The following GKN2 variants were observed in gnomAD, a reference collection of about 807,000 sequenced individuals.
GKN2 encodes the protein gastrokine 2, also known as gastrokine-2.
In GKN2, 17 loss-of-function variants were observed where a neutral mutation model predicts 22.7. That is an observed-to-expected ratio of 0.75 (90% CI 0.51 to 1.13). The LOEUF is 1.13. Ranked by LOEUF, GKN2 falls within the 50% of genes most tolerant of loss-of-function variation. The probability of loss-of-function intolerance (pLI) is 0.00; values close to 1 mark genes in which losing one functional copy is unlikely to be tolerated. For synonymous variants in GKN2, 82 were observed against 79.6 expected (o/e 1.03, Z -0.16); for missense variants, 248 against 221.4 (o/e 1.12, Z -0.76).
chr2:68,945,305 G>T lies in GKN2; in HGVS notation c.*63C>A. 4 of 1,198,994 alleles carry T rather than the reference G, an allele frequency of 3.3e-6. No homozygotes were observed. The highest frequency in any genetic ancestry group is 2.9e-5 in the South Asian group (2 of 68,078). The allele number at this position is 1,198,994 out of a possible 1,614,324, so 74.3% of individuals were successfully genotyped here. A position where few individuals can be genotyped will look rare whatever the true frequency, so the allele number is the denominator to read the frequency against. On this transcript the variant is annotated 3_prime_UTR_variant, in exon 6 of 6. Coordinates refer to ENST00000328895, the MANE Select transcript of GKN2 (RefSeq NM_182536.3). ...GGGGCATTGGGAAAGAATTTAATTTGACTTTTGAGTGTAAACCAAGGATGT... is the reference window on the plus strand; with the variant it reads ...GGGGCATTGGGAAAGAATTTAATTTTACTTTTGAGTGTAAACCAAGGATGT...
In GKN2 at chr2:68,947,264, C is replaced by A. The variant is rs2103889578; in HGVS notation, c.205-7G>T. The A allele has an allele frequency of 6.3e-7, 1 of 1,575,714 alleles. No individual in the cohort carries two copies. Among genetic ancestry groups the A allele is most frequent in the Non-Finnish European group, 8.7e-7 (1 of 1,144,964 alleles). ...CCCTGGATGCAATGTAGCCCTGAGGCAGCAAGAGTACAGTTACTGTTCCTC... is the reference window on the plus strand; with the variant it reads ...CCCTGGATGCAATGTAGCCCTGAGGAAGCAAGAGTACAGTTACTGTTCCTC... On this transcript the variant is annotated splice_polypyrimidine_tract_variant and splice_region_variant and intron_variant, in intron 3 of 5. Coordinates refer to ENST00000328895, the MANE Select transcript of GKN2 (RefSeq NM_182536.3).
chr2:68,946,113 G>T (rs1669761071), intron 5 of GKN2, 191 bp downstream of exon 5: 1 of 478,916 alleles, frequency 2.1e-6, no homozygotes, highest in South Asian at 4.8e-5. Context: ...GTTCCCTGGA[G>T]ACGTTTAATT....
chr2:68,945,384 GCA>G lies in GKN2; in HGVS notation c.537_538del (p.Ala180ArgfsTer7), dbSNP rs1669749866. ...CTAATCATCCTAAACATGAATGTCT[GCA>G]CAGATTGAAATTCCCAAGATGCCCA... On this transcript the variant is annotated frameshift_variant, in exon 6 of 6. Coordinates refer to ENST00000328895, the MANE Select transcript of GKN2 (RefSeq NM_182536.3). LOFTEE classifies it high-confidence loss of function. The G allele has an allele frequency of 6.2e-7, 1 of 1,610,720 alleles. No individual in the cohort carries two copies. Among genetic ancestry groups the G allele is most frequent in the African/African-American group, 1.3e-5 (1 of 74,862 alleles).
intron 3 of GKN2, 108 bp downstream of exon 3, chr2:68,950,018 G>A: frequency 2.4e-6 from 2 of 823,540 alleles, no homozygotes; most frequent in Non-Finnish European, 3.5e-6. Flanking sequence ...TTAAAGAATT[G>A]CAAGGTTAAG....
chr2:68,946,372 A>G lies in GKN2; in HGVS notation c.404T>C (p.Leu135Pro). ...GCAGAGTTTCTCAATGGGTGACCCA[A>G]GCAGGAACCAATCCACGTCTTTGAT... ...SLIKDVDWFL[L>P]GSPIEKLCKH... Residue 135 changes from leucine to proline, a missense_variant, in exon 5 of 6, where the codon CTT (leucine) becomes CCT (proline). Transcript: ENST00000328895. 1 of 1,614,078 alleles carries G rather than the reference A, an allele frequency of 6.2e-7. No homozygotes were observed. Among genetic ancestry groups the G allele is most frequent in the Non-Finnish European group, 8.5e-7 (1 of 1,179,988 alleles).
intron 1 of GKN2, among the ~76,000 whole-genome samples, chr2:68,951,861 A>C (rs796302462): frequency 6.6e-6 from 1 of 152,256 alleles, no homozygotes; most frequent in African/African-American, 2.4e-5. Flanking sequence ...CTCTGCCCCA[A>C]AATGATCTCC....
intron 4 of GKN2, among the ~76,000 whole-genome samples, chr2:68,946,795 C>A (rs1669775385): frequency 6.6e-6 from 1 of 152,124 alleles, no homozygotes; most frequent in Non-Finnish European, 1.5e-5. Flanking sequence ...TATTTCTTTG[C>A]ATCTTTGGGT....
chr2:68,946,622 C>T (rs1380760731), intron 4 of GKN2, among the ~76,000 whole-genome samples, 162 bp from the exon 5 acceptor site: 1 of 152,108 alleles, frequency 6.6e-6, no homozygotes, highest in Non-Finnish European at 1.5e-5. Flanking sequence ...TGTGAAGTAG[C>T]CTCATTAGTA....
intron 1 of GKN2, among the ~76,000 whole-genome samples, chr2:68,951,152 A>ATAAC (rs1010977118): frequency 2.0e-5 from 3 of 152,156 alleles, no homozygotes; most frequent in Non-Finnish European, 4.4e-5. Context: ...CTCTAAAAAA[A>ATAAC]TAATTAATTA....
intron 1 of GKN2, among the ~76,000 whole-genome samples, chr2:68,952,232 G>A (rs1296495603): frequency 6.6e-6 from 1 of 152,130 alleles, no homozygotes; most frequent in Non-Finnish European, 1.5e-5. Flanking sequence ...AAGACACTCT[G>A]GCTGCTTAAA....
chr2:68,948,069 C>G (rs1669797061), intron 3 of GKN2, among the ~76,000 whole-genome samples: 1 of 151,762 alleles, frequency 6.6e-6, no homozygotes, highest in African/African-American at 2.4e-5. Flanking sequence ...CATGGTGAAA[C>G]CCCGTCTCTA....
chr2:68,952,735 T>A (rs1669876453), intron 1 of GKN2, 115 bp downstream of exon 1: 1 of 941,092 alleles, frequency 1.1e-6, no homozygotes, highest in Non-Finnish European at 1.6e-6. Flanking sequence ...TCACAGAAGC[T>A]TAGAAGCATG....
chr2:68,951,996 C>T (rs983459859), intron 1 of GKN2, among the ~76,000 whole-genome samples: 4 of 152,210 alleles, frequency 2.6e-5, no homozygotes, highest in Non-Finnish European at 4.4e-5. Context: ...GTCTTTAACA[C>T]TTTAGAAAGA....
intron 3 of GKN2, among the ~76,000 whole-genome samples, chr2:68,949,451 G>T (rs1020703490): frequency 1.3e-5 from 2 of 151,656 alleles, no homozygotes; most frequent in African/African-American, 2.4e-5. Flanking sequence ...ACAGGATCTC[G>T]TTTTGTCACC....
intron 5 of GKN2, 108 bp from the exon 6 acceptor site, chr2:68,945,558 C>T (rs116426847): frequency 0.018 from 14,462 of 792,770 alleles, 192 homozygotes; most frequent in Non-Finnish European, 0.024. Context: ...TTTGGAAGTG[C>T]TGGTTGGCTC....
At chr2:68,948,851 G>A (rs1669813036) in intron 3 of GKN2, among the ~76,000 whole-genome samples, 4 of 152,184 alleles carry the variant, frequency 2.6e-5, no homozygotes, top group African/African-American at 9.7e-5. Context: ...GGTGATAATG[G>A]AAGAAGCTTA....
intron 2 of GKN2, 115 bp downstream of exon 2, chr2:68,950,587 G>A: frequency 1.1e-6 from 1 of 894,570 alleles, no homozygotes; most frequent in South Asian, 1.5e-5. Context: ...GGTTATTTCT[G>A]AGATTCCATC....
intron 1 of GKN2, among the ~76,000 whole-genome samples, chr2:68,951,250 G>C (rs934270560): frequency 6.6e-6 from 1 of 152,172 alleles, no homozygotes; most frequent in African/African-American, 2.4e-5. Context: ...AGACCTGACA[G>C]GTTCCTAAGG....
At chr2:68,949,895 G>A (rs1415910115) in intron 3 of GKN2, among the ~76,000 whole-genome samples, 1 of 152,118 alleles carries the variant, frequency 6.6e-6, no homozygotes, top group Non-Finnish European at 1.5e-5. Flanking sequence ...ATTTCTACCT[G>A]AAAAGGTCAA....
Sources: gnomAD v4.1 joint callset for allele counts (sites outside exome capture counted in the v4.1 genomes callset) on GRCh38, gnomAD v4.1.1 for gene constraint, MANE v1.5 for transcripts, NCBI Gene and HGNC (gene_info 2026-07-23, HGNC 2026-07-21) for gene names.